DENND4A: variants seen among roughly 807,000 people sequenced by gnomAD.
DENND4A encodes DENN domain containing 4A, also known as C-myc promoter-binding protein.
A neutral mutation model predicts 199.3 loss-of-function variants in DENND4A; 70 were observed. The observed-to-expected ratio is 0.35, with a 90% CI of 0.29 to 0.43. The LOEUF is 0.43. Among genes scored for constraint, DENND4A ranks in the 20% least tolerant of loss-of-function variants. The probability of loss-of-function intolerance (pLI) is 1.00; values close to 1 mark genes in which losing one functional copy is unlikely to be tolerated. For missense variants in DENND4A, 1,723 were observed against 2,255.8 expected (o/e 0.76, Z 4.78); for synonymous variants, 686 against 766.9 (o/e 0.89, Z 1.74).
chr15:65,690,048 A>G (rs2076919462), intron 23 of DENND4A, among the ~76,000 whole-genome samples: 1 of 152,134 alleles, frequency 6.6e-6, no homozygotes, highest in African/African-American at 2.4e-5. Context: ...ACTCCATCCT[A>G]ACCAGAAGGG....
At chr15:65,686,235 G>T (rs2142026572) in intron 23 of DENND4A, among the ~76,000 whole-genome samples, 1 of 152,248 alleles carries the variant, frequency 6.6e-6, no homozygotes, top group East Asian at 1.9e-4. Flanking sequence ...AATGTACTTT[G>T]ATTTGGATCC....
chr15:65,669,084 G>GAGACAAAGATA (rs1216214146), intron 27 of DENND4A, among the ~76,000 whole-genome samples: 1 of 152,128 alleles, frequency 6.6e-6, no homozygotes, highest in African/African-American at 2.4e-5. Flanking sequence ...CACAACCCAG[G>GAGACAAAGATA]AGACAAAGAT....
At chr15:65,696,994 T>C (rs1335844337) in intron 21 of DENND4A, 2 of 337,248 alleles carry the variant, frequency 5.9e-6, no homozygotes. Context: ...GAAATGTATA[T>C]ACAGTTCTAC....
At chr15:65,732,929 T>C in intron 7 of DENND4A, 111 bp from the exon 8 acceptor site, 2 of 620,184 alleles carry the variant, frequency 3.2e-6, no homozygotes, top group South Asian at 2.3e-5. Flanking sequence ...CCCTATTATT[T>C]TGAAATCCCT....
chr15:65,751,501 A>G (rs1265474008), intron 4 of DENND4A, among the ~76,000 whole-genome samples: 2 of 152,220 alleles, frequency 1.3e-5, no homozygotes, highest in Non-Finnish European at 1.5e-5. Flanking sequence ...CACGTGGCCT[A>G]TATTTAAATG....
At chr15:65,771,494 G>C in intron 1 of DENND4A, 1 of 1,610,696 alleles carries the variant, frequency 6.2e-7, no homozygotes, top group Non-Finnish European at 8.5e-7. Context: ...GGAATAAGGA[G>C]GATTACAGAC....
chr15:65,761,505 G>T (rs2076847396), intron 1 of DENND4A, 67 bp from the exon 2 acceptor site: 1 of 152,188 alleles, frequency 6.6e-6, no homozygotes, highest in South Asian at 2.1e-4. Context: ...CAATATGCCT[G>T]TGGATACTTA....
rs1596377408 is a variant in DENND4A at position 65,664,320 on chromosome 15, G to A, written c.5587+10C>T. On this transcript the variant is annotated intron_variant, in intron 32 of 32. Transcript: ENST00000443035. The stretch of plus-strand genomic sequence containing the variant: ...ATAAATATTACATATTAGATATAAA[G>A]CTAAATTACCTATATCAATGTTTTC... 2.0e-6 allele frequency: 3 copies of A among 1,499,562 alleles called. No homozygotes were observed. Among genetic ancestry groups the A allele is most frequent in the East Asian group, 4.6e-5 (2 of 43,858 alleles). 92.9% of individuals were successfully genotyped at this position (1,499,562 alleles called of 1,614,324 possible).
At chr15:65,699,463 A>T (rs1006346194) in intron 20 of DENND4A, among the ~76,000 whole-genome samples, 1 of 151,764 alleles carries the variant, frequency 6.6e-6, no homozygotes, top group African/African-American at 2.4e-5. Flanking sequence ...ATACGAACTT[A>T]TACTTCTATG....
intron 23 of DENND4A, among the ~76,000 whole-genome samples, chr15:65,690,059 C>T (rs944369018): frequency 2.6e-5 from 4 of 152,148 alleles, no homozygotes; most frequent in African/African-American, 9.7e-5. Context: ...ACCAGAAGGG[C>T]AAATCATATG....
intron 29 of DENND4A, among the ~76,000 whole-genome samples, chr15:65,666,574 G>C (rs1467404032): frequency 3.3e-5 from 5 of 152,068 alleles, no homozygotes; most frequent in African/African-American, 9.7e-5. Context: ...CCTCAGAAAG[G>C]AAAACCATGA....
chr15:65,752,123 T>A (rs1248130013), intron 4 of DENND4A, among the ~76,000 whole-genome samples: 1 of 1,412 alleles, frequency 7.1e-4, no homozygotes, highest in Non-Finnish European at 1.0e-3. Context: ...GCTTTTGTAG[T>A]GGGCGGGGGG....
intron 23 of DENND4A, among the ~76,000 whole-genome samples, chr15:65,678,384 T>G (rs1287988958): frequency 6.6e-6 from 1 of 152,248 alleles, no homozygotes; most frequent in Non-Finnish European, 1.5e-5. Context: ...CTAATTTGGT[T>G]AGAACTGATA....
intron 23 of DENND4A, among the ~76,000 whole-genome samples, chr15:65,687,353 A>G (rs538265853): frequency 3.3e-5 from 5 of 152,184 alleles, no homozygotes; most frequent in Admixed American, 2.0e-4. Context: ...ATTCCATGAG[A>G]TAATGTTACT....
chr15:65,664,593 G>A lies in DENND4A; in HGVS notation c.5489C>T (p.Thr1830Ile), dbSNP rs2075976212. The change falls in exon 31 of 33, where the codon ACA becomes ATA. Residue 1830 changes from threonine to isoleucine, a missense_variant. By Grantham distance (89) the Thr-to-Ile change is moderately conservative. Transcript: ENST00000443035. ...VYGPMSQILE[T>I]LNKCPHFKRQ... ...TTTAAAATGTGGACACTTATTCAGT[G>A]TCTCTAAAATCTGACTCATTGGTCC... The A allele has an allele frequency of 6.2e-7, 1 of 1,612,626 alleles. No homozygotes were observed. Among genetic ancestry groups the A allele is most frequent in the Admixed American group, 1.7e-5 (1 of 59,922 alleles).
At chr15:65,679,338 T>A (rs2076493339) in intron 23 of DENND4A, among the ~76,000 whole-genome samples, 1 of 151,876 alleles carries the variant, frequency 6.6e-6, no homozygotes, top group Non-Finnish European at 1.5e-5. Context: ...CCTGACCTTG[T>A]GATCCGCCCG....
Position 65,660,425 on chromosome 15 carries a change from A to G in DENND4A, c.*1426T>C. The G allele has an allele frequency of 1.2e-6, 1 of 810,798 alleles. No homozygotes were observed. Among genetic ancestry groups the G allele is most frequent in the South Asian group, 1.7e-5 (1 of 59,394 alleles). The allele number at this position is 810,798 out of a possible 1,614,324, so 50.2% of individuals were successfully genotyped here. A position where few individuals can be genotyped will look rare whatever the true frequency, so the allele number is the denominator to read the frequency against. On this transcript the variant is annotated 3_prime_UTR_variant, in exon 33 of 33. Transcript: ENST00000443035. ...GTGTCGTGGACTCTACTGGCTTTATACACCTAATTTGGGACTATCCATTTT... is the reference window on the plus strand; with the variant it reads ...GTGTCGTGGACTCTACTGGCTTTATGCACCTAATTTGGGACTATCCATTTT...
At chr15:65,717,684 C>T in intron 13 of DENND4A, 94 bp downstream of exon 13, 1 of 1,129,768 alleles carries the variant, frequency 8.9e-7, no homozygotes, top group Non-Finnish European at 1.2e-6. Flanking sequence ...GGTATGTATT[C>T]TCATAAATAT....
chr15:65,688,765 C>G (rs1321759613), intron 23 of DENND4A, among the ~76,000 whole-genome samples: 1 of 152,182 alleles, frequency 6.6e-6, no homozygotes, highest in East Asian at 1.9e-4. Context: ...TGTGACTGCC[C>G]TTGGGGCAAA....
Sources: gnomAD v4.1 joint callset for allele counts (sites outside exome capture counted in the v4.1 genomes callset) on GRCh38, gnomAD v4.1.1 for gene constraint, MANE v1.5 for transcripts, NCBI Gene and HGNC (gene_info 2026-07-23, HGNC 2026-07-21) for gene names.